SNX5: variants seen among roughly 807,000 people sequenced by gnomAD.
SNX5 encodes the protein sorting nexin-5.
A neutral mutation model predicts 53.9 loss-of-function variants in SNX5; 31 were observed. The observed-to-expected ratio is 0.58, with a 90% CI of 0.43 to 0.78. The LOEUF is 0.78. SNX5 is among the 30% of genes least tolerant of loss of function. The pLI is 0.00. For missense variants in SNX5, 471 were observed against 478.8 expected, an observed-to-expected ratio of 0.98 and a Z score of 0.15; for synonymous variants, 168 against 171.1, an observed-to-expected ratio of 0.98 and a Z score of 0.14.
intron 1 of SNX5, chr20:17,967,606 G>GC (rs2035569872): frequency 6.5e-6 from 1 of 153,500 alleles, no homozygotes; most frequent in South Asian, 2.1e-4. Context: ...TGACGATTCT[G>GC]CAAGAAAGGT....
intron 5 of SNX5, 101 bp downstream of exon 5, chr20:17,952,486 T>G (rs2039584248): frequency 8.5e-7 from 1 of 1,179,664 alleles, no homozygotes; most frequent in Admixed American, 2.6e-5. Flanking sequence ...GTTTCCATTG[T>G]GTAAGAAATT....
At chr20:17,948,142 T>C (rs994244483) in intron 10 of SNX5, among the ~76,000 whole-genome samples, 2 of 152,384 alleles carry the variant, frequency 1.3e-5, no homozygotes, top group East Asian at 3.9e-4. Context: ...TACTTTAGTA[T>C]CTGAAATGAG....
intron 2 of SNX5, among the ~76,000 whole-genome samples, chr20:17,956,703 A>C (rs1390576624): frequency 3.4e-5 from 4 of 117,668 alleles, no homozygotes; most frequent in South Asian, 2.9e-4. Context: ...AAAAAAAAAA[A>C]ACAAAAAAAC....
chr20:17,956,688 A>AC (rs2035363514), intron 2 of SNX5, among the ~76,000 whole-genome samples: 2 of 143,730 alleles, frequency 1.4e-5, no homozygotes, highest in Non-Finnish European at 3.0e-5. Flanking sequence ...AAAAAAAAAA[A>AC]AAAAAAAAAA....
chr20:17,948,848 G>T, intron 10 of SNX5, 42 bp downstream of exon 10: 12 of 1,494,558 alleles, frequency 8.0e-6, no homozygotes, highest in Non-Finnish European at 1.1e-5. Flanking sequence ...ACAGACTTCT[G>T]GTCCTGCACT....
At chr20:17,951,727 C>T (rs1175925012) in intron 5 of SNX5, 132 bp from the exon 6 acceptor site, 5 of 610,788 alleles carry the variant, frequency 8.2e-6, no homozygotes, top group Non-Finnish European at 1.5e-5. Flanking sequence ...TTTAATTCTG[C>T]CTTAACCTCC....
rs147936788 is a variant in SNX5 at position 17,960,145 on chromosome 20, C to T, written c.52-3108G>A. On this transcript the variant is annotated intron_variant, in intron 1 of 12. Transcript: ENST00000377759. ...AAGAATCAAATTGAAAATATACCTA[C>T]TCTCAAATAATTTAAGTTTTAAAAC... Among the ~76,000 whole-genome samples the T allele has an allele frequency of 3.3e-5, 5 of 152,250 alleles. No homozygotes were observed. The East Asian group carries it at 9.7e-4, about 29-fold the overall frequency.
intron 1 of SNX5, among the ~76,000 whole-genome samples, chr20:17,959,852 G>A (rs1195648276): frequency 6.6e-6 from 1 of 152,144 alleles, no homozygotes; most frequent in Non-Finnish European, 1.5e-5. Context: ...CAGTGCTACA[G>A]AACTTGCTAA....
chr20:17,943,882 A>C (rs1472866590), intron 11 of SNX5: 1 of 152,244 alleles, frequency 6.6e-6, no homozygotes, highest in Non-Finnish European at 1.5e-5. Flanking sequence ...TCAGTATCTC[A>C]ATGGGATATC....
At chr20:17,955,973 T>G (rs2035346321) in intron 2 of SNX5, among the ~76,000 whole-genome samples, 1 of 152,122 alleles carries the variant, frequency 6.6e-6, no homozygotes, top group African/African-American at 2.4e-5. Flanking sequence ...TTTTTATATT[T>G]TTGGAAGAGA....
rs187430364 is a variant in SNX5 at position 17,958,790 on chromosome 20, C to T, written c.52-1753G>A. 2.0e-4 allele frequency among the ~76,000 whole-genome samples: 31 copies of T among 152,322 alleles called. No homozygotes were observed. The East Asian group carries it at 5.4e-3, about 27-fold the overall frequency. The stretch of plus-strand genomic sequence containing the variant: ...TTTTCTGATAAGAGCTTCCTTCCTT[C>T]TGCTAAGTTAACACTGGCAAATACA... On this transcript the variant is annotated intron_variant, in intron 1 of 12. Coordinates refer to ENST00000377759, the MANE Select transcript of SNX5 (RefSeq NM_014426.4).
Position 17,950,151 on chromosome 20 carries a change from C to CT in SNX5, c.771dup (p.Glu258ArgfsTer14). On this transcript the variant is annotated frameshift_variant, in exon 8 of 13. Coordinates refer to ENST00000377759, the MANE Select transcript of SNX5 (RefSeq NM_014426.4). LOFTEE classifies it high-confidence loss of function. ...ACTTACTTTTTGATGACTGTGGGCT[C>CT]TTCTAAAGCCAGGCTATGTAAGCAG... 6.2e-7 allele frequency: 1 copy of CT among 1,614,142 alleles called. No individual in the cohort carries two copies. Among genetic ancestry groups the CT allele is most frequent in the African/African-American group, 1.3e-5 (1 of 75,044 alleles).
At chr20:17,966,884 T>G (rs1568599909) in intron 1 of SNX5, among the ~76,000 whole-genome samples, 1 of 152,214 alleles carries the variant, frequency 6.6e-6, no homozygotes, top group Non-Finnish European at 1.5e-5. Context: ...CAGCAGGTTA[T>G]CAGCATCAGC....
Position 17,968,555 on chromosome 20 carries a change from G to A in SNX5, c.-130C>T. 2 of 802,098 alleles carry A rather than the reference G, an allele frequency of 2.5e-6. No homozygotes were observed. Among genetic ancestry groups the A allele is most frequent in the Non-Finnish European group, 3.7e-6 (2 of 535,188 alleles). The allele number at this position is 802,098 out of a possible 1,614,324, so 49.7% of individuals were successfully genotyped here. ...GCCTCCGCCGGCCTCCCTGCCCGAC[G>A]GCGGCAGGAGGCCTCCGGACTCCGC... is the stretch of plus-strand genomic sequence containing the variant. On this transcript the variant is annotated 5_prime_UTR_variant, in exon 1 of 13. Transcript: ENST00000377759.
chr20:17,941,805 C>T lies in SNX5; in HGVS notation c.*552G>A, dbSNP rs1011052781. ...TCTCTCCCCTCAAATATTTATATCT[C>T]GACTAAAAAAAGGAGGTGCAAAGAG... is the stretch of plus-strand genomic sequence containing the variant. On this transcript the variant is annotated 3_prime_UTR_variant, in exon 13 of 13. Transcript: ENST00000377759. 2.0e-5 allele frequency: 3 copies of T among 152,312 alleles called. No homozygotes were observed. Among genetic ancestry groups the T allele is most frequent in the Non-Finnish European group, 2.9e-5 (2 of 68,342 alleles). The allele number at this position is 152,312 out of a possible 1,614,324, so 9.4% of individuals were successfully genotyped here.
At chr20:17,964,869 A>G (rs996412302) in intron 1 of SNX5, among the ~76,000 whole-genome samples, 2 of 152,176 alleles carry the variant, frequency 1.3e-5, no homozygotes, top group Admixed American at 1.3e-4. Context: ...GTAAGTTTCC[A>G]GTGTCCAAAG....
Position 17,947,526 on chromosome 20 carries a change from G to A in SNX5, c.1038C>T (p.Cys346=). ...CGGAAAGTTGTTCAAATTTCTGGCA[G>A]CACTCCTGCTGGTGTGCCTCAGCCA... ...VKLAEAHQQE[C]CQKFEQLSES... Residue 346 remains cysteine (C), a synonymous_variant, in exon 11 of 13, where the codon TGC becomes TGT. Coordinates refer to ENST00000377759, the MANE Select transcript of SNX5 (RefSeq NM_014426.4). 1.2e-6 allele frequency: 2 copies of A among 1,613,758 alleles called. No homozygotes were observed. Among genetic ancestry groups the A allele is most frequent in the Admixed American group, 1.7e-5 (1 of 59,996 alleles).
At position 17,947,469 on chromosome 20, in the gene SNX5, A is replaced by C; in HGVS notation, c.1078+17T>G. 6.2e-7 allele frequency: 1 copy of C among 1,608,296 alleles called. No individual in the cohort carries two copies. Among genetic ancestry groups the C allele is most frequent in the Non-Finnish European group, 8.5e-7 (1 of 1,177,960 alleles). On this transcript the variant is annotated intron_variant, in intron 11 of 12. Coordinates refer to ENST00000377759, the MANE Select transcript of SNX5 (RefSeq NM_014426.4). ...ATTTTCAAATTACAGTACAGAAAGA[A>C]GAATGTCCTGCTCAACCTTCTTTTG...
Position 17,942,961 on chromosome 20 carries a change from A to G in SNX5, c.1164+149T>C, listed in dbSNP as rs1404048024. On this transcript the variant is annotated intron_variant, in intron 12 of 12. Transcript: ENST00000377759. Reference sequence around the variant, plus strand: ...GACATTATAAACAAGACTACAAATAAACAATGAGTGGCTCCCATCAACTAA... The same window carrying G: ...GACATTATAAACAAGACTACAAATAGACAATGAGTGGCTCCCATCAACTAA... 4.8e-6 allele frequency: 3 copies of G among 618,966 alleles called. No homozygotes were observed. In the East Asian group the frequency reaches 8.1e-5, roughly 17 times the overall value. 38.3% of individuals were successfully genotyped at this position (618,966 alleles called of 1,614,324 possible).
Sources: allele counts gnomAD v4.1 joint callset (sites outside exome capture counted in the v4.1 genomes callset), GRCh38; gene constraint gnomAD v4.1.1; transcripts MANE v1.5; gene names NCBI Gene and HGNC (gene_info 2026-07-23, HGNC 2026-07-21).